DCAF16: variants seen among roughly 807,000 people sequenced by gnomAD.
DCAF16 encodes the protein DDB1- and CUL4-associated factor 16.
A neutral mutation model predicts 17.3 loss-of-function variants in DCAF16; 10 were observed. The ratio of observed to expected loss-of-function variants is 0.58; its 90% CI spans 0.36 to 0.98. The LOEUF (loss-of-function observed/expected upper bound fraction) is 0.98, where lower values mean the gene tolerates loss of function less well. DCAF16 is among the 50% of genes least tolerant of loss of function. DCAF16 has a pLI of 0.01. For missense variants in DCAF16, 249 were observed against 247.6 expected (o/e 1.01, Z -0.04); for synonymous variants, 111 against 92.8 (o/e 1.20, Z -1.12).
rs973521636 is a variant in DCAF16, at chr4:17,802,021, G to C, written c.*1470C>G. 10 of 145,044 alleles carry C rather than the reference G, an allele frequency of 6.9e-5. No homozygotes were observed. Among genetic ancestry groups the C allele is most frequent in the Admixed American group, 1.5e-4 (2 of 13,612 alleles). 9.0% of individuals were successfully genotyped at this position (145,044 alleles called of 1,614,324 possible). ...GGGAGGCAGGGCAGGAGAATGGCAC[G>C]AACCCGGGAGGCAGAGCTTGCAGTG... is the stretch of plus-strand genomic sequence containing the variant. On this transcript the variant is annotated 3_prime_UTR_variant, in exon 3 of 3. Coordinates refer to ENST00000382247, the MANE Select transcript of DCAF16 (RefSeq NM_017741.4).
In DCAF16 at chr4:17,803,481, T is replaced by C. The variant is rs376387871; in HGVS notation, c.*10A>G. On this transcript the variant is annotated 3_prime_UTR_variant, in exon 3 of 3. Coordinates refer to ENST00000382247, the MANE Select transcript of DCAF16 (RefSeq NM_017741.4). ...GCAACATCAGAGATATCAGAGCAAA[T>C]GGTAGATCTTTACAGTGATGCAGTT... 6.8e-6 allele frequency: 11 copies of C among 1,609,516 alleles called. No individual in the cohort carries two copies. In the African/African-American group the frequency reaches 1.2e-4, roughly 18 times the overall value.
chr4:17,798,698 A>C (rs1719547772), downstream of DCAF16, among the ~76,000 whole-genome samples: 1 of 152,214 alleles, frequency 6.6e-6, no homozygotes, highest in African/African-American at 2.4e-5. Flanking sequence ...ATGGGAAGCC[A>C]GCAAGTGTCA....
intron 1 of DCAF16, among the ~76,000 whole-genome samples, chr4:17,807,459 A>T (rs1720427973): frequency 6.6e-6 from 1 of 152,234 alleles, no homozygotes; most frequent in Non-Finnish European, 1.5e-5. Context: ...CTTTTTTGGA[A>T]CTGGCACTGC....
Position 17,804,784 on chromosome 4 carries a change from T to C in DCAF16, c.-630-13A>G, listed in dbSNP as rs1720154050. On this transcript the variant is annotated splice_polypyrimidine_tract_variant and intron_variant, in intron 2 of 2. Transcript: ENST00000382247. The stretch of plus-strand genomic sequence containing the variant: ...GTGAATGAGAAGACTAGAGACATGA[T>C]ATTAAAGCCTGAAAGCACTGGATAA... 6.0e-6 allele frequency: 1 copy of C among 167,468 alleles called. No individual in the cohort carries two copies. The highest frequency in any genetic ancestry group is 1.5e-5 in the Non-Finnish European group (1 of 68,450). 10.4% of individuals were successfully genotyped at this position (167,468 alleles called of 1,614,324 possible).
intron 1 of DCAF16, among the ~76,000 whole-genome samples, chr4:17,807,956 T>C (rs1397238372): frequency 6.6e-6 from 1 of 152,180 alleles, no homozygotes; most frequent in Non-Finnish European, 1.5e-5. Context: ...GTGTCTGGCA[T>C]ATATGAGTGG....
intron 1 of DCAF16, among the ~76,000 whole-genome samples, chr4:17,805,937 A>G (rs1720282093): frequency 6.6e-6 from 1 of 152,208 alleles, no homozygotes; most frequent in Non-Finnish European, 1.5e-5. Flanking sequence ...ACTGTACTCC[A>G]GTCTGGGTGA....
At chr4:17,809,569 A>G (rs1720663138) in intron 1 of DCAF16, 1 of 152,202 alleles carries the variant, frequency 6.6e-6, no homozygotes, top group Non-Finnish European at 1.5e-5. Flanking sequence ...AAAAGGAGAA[A>G]GATGTACAGG....
downstream of DCAF16, among the ~76,000 whole-genome samples, chr4:17,798,310 CTTTTTTTTT>C (rs61478198): frequency 7.6e-6 from 1 of 131,278 alleles, no homozygotes; most frequent in Non-Finnish European, 1.6e-5. Flanking sequence ...TGTTATTTTC[CTTTTTTTTT>C]TTTTTTTTTT....
intron 1 of DCAF16, among the ~76,000 whole-genome samples, chr4:17,808,725 T>C (rs940805575): frequency 2.6e-5 from 4 of 152,028 alleles, no homozygotes; most frequent in Non-Finnish European, 4.4e-5. Context: ...GACAGCCAAA[T>C]AGAATATAGT....
chr4:17,808,222 T>C (rs16895779), intron 1 of DCAF16, among the ~76,000 whole-genome samples: 17,810 of 152,262 alleles, frequency 0.12, 1,162 homozygotes, highest in South Asian at 0.24. Flanking sequence ...TATAGTACTA[T>C]TACCTTGTTC....
chr4:17,798,212 T>A (rs1481682183), downstream of DCAF16, among the ~76,000 whole-genome samples: 3 of 152,192 alleles, frequency 2.0e-5, no homozygotes, highest in African/African-American at 7.2e-5. Context: ...CAACTTCGTT[T>A]TATGATTCAA....
intron 1 of DCAF16, among the ~76,000 whole-genome samples, chr4:17,807,332 T>C (rs1207355085): frequency 6.6e-6 from 1 of 152,186 alleles, no homozygotes; most frequent in East Asian, 1.9e-4. Flanking sequence ...AAATGAGCAA[T>C]GGACAAAGAT....
chr4:17,795,255 C>T, the DCAF16 span, among the ~76,000 whole-genome samples: 3 of 152,268 alleles, frequency 2.0e-5, no homozygotes, highest in East Asian at 3.9e-4. Flanking sequence ...ATTTTGAAAA[C>T]GTATCCTTTT....
chr4:17,804,042 C>A lies in DCAF16; in HGVS notation c.100G>T (p.Asp34Tyr). ...ATAGAGTCCTCTTCTTCAGAGGAATCCCACTCTTCCCCAGAACTCTCATTT... is the reference window on the plus strand; with the variant it reads ...ATAGAGTCCTCTTCTTCAGAGGAATACCACTCTTCCCCAGAACTCTCATTT... ...YLNESSGEEW[D>Y]SSEEEDSMVP... Residue 34 changes from aspartate (D) to tyrosine (Y), a missense_variant, in exon 3 of 3, where the codon GAT (aspartate) becomes TAT (tyrosine). Transcript: ENST00000382247. The A allele has an allele frequency of 6.2e-7, 1 of 1,614,094 alleles. No homozygotes were observed. The highest frequency in any genetic ancestry group is 2.2e-5 in the East Asian group (1 of 44,882).
intron 1 of DCAF16, among the ~76,000 whole-genome samples, chr4:17,805,486 G>A (rs1720241817): frequency 6.6e-6 from 1 of 152,018 alleles, no homozygotes; most frequent in Non-Finnish European, 1.5e-5. Context: ...AAAAAAGAGA[G>A]AATTTTATTG....
Position 17,804,261 on chromosome 4 carries a change from T to G in DCAF16, c.-120A>C. On this transcript the variant is annotated 5_prime_UTR_variant, in exon 3 of 3. Coordinates refer to ENST00000382247, the MANE Select transcript of DCAF16 (RefSeq NM_017741.4). Reference sequence around the variant, plus strand: ...TCCTTTCACCAAGATTAATTTGTCTTTCAGTCCGTTACACACATAAAGTAT... The same window carrying G: ...TCCTTTCACCAAGATTAATTTGTCTGTCAGTCCGTTACACACATAAAGTAT... 1.2e-6 allele frequency: 1 copy of G among 824,562 alleles called. No individual in the cohort carries two copies. The highest frequency in any genetic ancestry group is 2.6e-5 in the East Asian group (1 of 38,052). 51.1% of individuals were successfully genotyped at this position (824,562 alleles called of 1,614,324 possible). A position where few individuals can be genotyped will look rare whatever the true frequency, so the allele number is the denominator to read the frequency against.
Position 17,805,874 on chromosome 4 carries a change from C to T in DCAF16, c.-749-649G>A, listed in dbSNP as rs769693286. Among the ~76,000 whole-genome samples the T allele has an allele frequency of 1.7e-3, 255 of 151,920 alleles. 4 individuals are homozygous for T. Among genetic ancestry groups the T allele is most frequent in the East Asian group, 1.2e-3 (6 of 5,158 alleles). On this transcript the variant is annotated intron_variant, in intron 1 of 2. Coordinates refer to ENST00000382247, the MANE Select transcript of DCAF16 (RefSeq NM_017741.4). ...TAGCTACTTGGGAGGCTGAGGCAGG[C>T]GGACTGCTTGAGCCCAGGAGTTGGA...
Position 17,803,334 on chromosome 4 carries a change from T to C in DCAF16, c.*157A>G. 3 of 714,444 alleles carry C rather than the reference T, an allele frequency of 4.2e-6. No individual in the cohort carries two copies. In the East Asian group the frequency reaches 7.9e-5, roughly 19 times the overall value. 44.3% of individuals were successfully genotyped at this position (714,444 alleles called of 1,614,324 possible). On this transcript the variant is annotated 3_prime_UTR_variant, in exon 3 of 3. Coordinates refer to ENST00000382247, the MANE Select transcript of DCAF16 (RefSeq NM_017741.4). Reference sequence around the variant, plus strand: ...GCCACCATGCCTGACCTTGATATTATCATTTTATCCACAGGGTTTGTCAAA... The same window carrying C: ...GCCACCATGCCTGACCTTGATATTACCATTTTATCCACAGGGTTTGTCAAA...
At chr4:17,809,596 C>T (rs2109032978) in intron 1 of DCAF16, 1 of 152,256 alleles carries the variant, frequency 6.6e-6, no homozygotes, top group South Asian at 2.1e-4. Flanking sequence ...TAGTAATGTT[C>T]TATTTCTTCA....
Sources: allele counts gnomAD v4.1 joint callset (sites outside exome capture counted in the v4.1 genomes callset), GRCh38; gene constraint gnomAD v4.1.1; transcripts MANE v1.5; gene names NCBI Gene and HGNC (gene_info 2026-07-23, HGNC 2026-07-21).